Variants in KIF13A observed in about 807,000 individuals in gnomAD.
KIF13A encodes the protein kinesin family member 13A, also known as kinesin-like protein KIF13A.
In KIF13A, 79 loss-of-function variants were observed where a neutral mutation model predicts 212.2. The ratio of observed to expected loss-of-function variants is 0.37; its 90% confidence interval spans 0.31 to 0.45. The LOEUF is 0.45. KIF13A is among the 20% of genes least tolerant of loss of function. KIF13A has a pLI of 1.00. For synonymous variants in KIF13A, 789 were observed against 808.6 expected, an observed-to-expected ratio of 0.98 and a Z score of 0.41; for missense variants, 1,901 against 2,209.0, an observed-to-expected ratio of 0.86 and a Z score of 2.79.
At chr6:17,858,795 C>T (rs1212499709) in intron 4 of KIF13A, among the ~76,000 whole-genome samples, 1 of 151,888 alleles carries the variant, frequency 6.6e-6, no homozygotes, top group East Asian at 1.9e-4. Flanking sequence ...TTAACCAGCC[C>T]CCAGGAAGGG....
At chr6:17,985,914 A>G (rs1486503764) in intron 2 of KIF13A, among the ~76,000 whole-genome samples, 3 of 152,202 alleles carry the variant, frequency 2.0e-5, no homozygotes, top group African/African-American at 7.2e-5. Flanking sequence ...TGCAAACTGG[A>G]TAAAAACTGC....
intron 2 of KIF13A, among the ~76,000 whole-genome samples, chr6:17,916,816 T>G (rs375767936): frequency 5.3e-4 from 80 of 152,316 alleles, no homozygotes; most frequent in African/African-American, 1.8e-3. Flanking sequence ...CATTAAACTT[T>G]GCAGATTCTC....
chr6:17,869,258 C>T (rs944220520), intron 4 of KIF13A, among the ~76,000 whole-genome samples: 1 of 152,038 alleles, frequency 6.6e-6, no homozygotes, highest in Non-Finnish European at 1.5e-5. Flanking sequence ...TGCCCAAGGT[C>T]TAGCAGTTTG....
intron 19 of KIF13A, 40 bp downstream of exon 19, chr6:17,805,435 T>G: frequency 6.3e-7 from 1 of 1,585,068 alleles, no homozygotes; most frequent in African/African-American, 1.3e-5. Flanking sequence ...TTCTCTGTTT[T>G]TAACATAACA....
rs889832805 is a variant in KIF13A, at chr6:17,919,724, G to A, written c.147-21544C>T. Among the ~76,000 whole-genome samples, 2 of 152,130 alleles carry A rather than the reference G, an allele frequency of 1.3e-5. No individual in the cohort carries two copies. Among genetic ancestry groups the A allele is most frequent in the African/African-American group, 4.8e-5 (2 of 41,416 alleles). ...CTGTGAGACAGGGTGGCAGCCGAAC[G>A]GTGTCTCCTGGCAGCCCAATACTGT... On this transcript the variant is annotated intron_variant, in intron 2 of 38. Transcript: ENST00000259711. The surrounding 1 kb of genome is among the most constrained non-coding windows in gnomAD (Gnocchi z 4.1).
intron 2 of KIF13A, among the ~76,000 whole-genome samples, chr6:17,903,617 G>A (rs999299524): frequency 3.3e-5 from 5 of 152,142 alleles, no homozygotes; most frequent in Admixed American, 6.5e-5. Context: ...AGAACAGAGC[G>A]ATCAAAGCTG....
chr6:17,813,648 T>C (rs1380597855), intron 17 of KIF13A, among the ~76,000 whole-genome samples: 1 of 152,084 alleles, frequency 6.6e-6, no homozygotes, highest in Non-Finnish European at 1.5e-5. Context: ...CAGGGCAGGG[T>C]TCCCTTTTCT....
chr6:17,896,742 T>C (rs1463803895), intron 3 of KIF13A, among the ~76,000 whole-genome samples: 1 of 152,164 alleles, frequency 6.6e-6, no homozygotes, highest in Non-Finnish European at 1.5e-5. Context: ...TACAAAGCAA[T>C]AGTGGTTTTT....
At chr6:17,835,994 C>A (rs1765921998) in intron 11 of KIF13A, among the ~76,000 whole-genome samples, 2 of 152,172 alleles carry the variant, frequency 1.3e-5, no homozygotes, top group Admixed American at 6.5e-5. Context: ...GCATGTGGAA[C>A]CCTGTGACTT....
chr6:17,888,001 C>T lies in KIF13A; in HGVS notation c.159+10167G>A, dbSNP rs1771706895. Among the ~76,000 whole-genome samples, 1 of 151,896 alleles carries T rather than the reference C, an allele frequency of 6.6e-6. No homozygotes were observed. The highest frequency in any genetic ancestry group is 6.6e-5 in the Admixed American group (1 of 15,242). ...GATTACAGGTGTGAGCCACTGGGCC[C>T]AGCCCCTGCATCTTGATTCTTATCC... On this transcript the variant is annotated intron_variant, in intron 3 of 38. Coordinates refer to ENST00000259711, the MANE Select transcript of KIF13A (RefSeq NM_022113.6). The surrounding 1 kb of genome is among the most constrained non-coding windows in gnomAD (Gnocchi z 4.8).
At position 17,959,274 on chromosome 6, in the gene KIF13A, C is replaced by T. The variant is rs189443659; in HGVS notation, c.146+27780G>A. 2.1e-4 allele frequency among the ~76,000 whole-genome samples: 32 copies of T among 152,146 alleles called. 1 individual carries two copies. The highest frequency in any genetic ancestry group is 3.5e-4 in the Non-Finnish European group (24 of 68,024). Reference sequence around the variant, plus strand: ...GCTTCATAAGAGCTTCTAGAGACAGCCTCATCTATGTTATAGAGACTGCAT... The same window carrying T: ...GCTTCATAAGAGCTTCTAGAGACAGTCTCATCTATGTTATAGAGACTGCAT... On this transcript the variant is annotated intron_variant, in intron 2 of 38. Transcript: ENST00000259711.
chr6:17,984,671 T>A lies in KIF13A; in HGVS notation c.146+2383A>T, dbSNP rs766330973. On this transcript the variant is annotated intron_variant, in intron 2 of 38. Coordinates refer to ENST00000259711, the MANE Select transcript of KIF13A (RefSeq NM_022113.6). The surrounding 1 kb of genome is among the most constrained non-coding windows in gnomAD (Gnocchi z 5.0). ...AAACTTTCACCCACTAACCTTCAAT[T>A]TCTATCCATGGCTAATTCATTGGTA... is the stretch of plus-strand genomic sequence containing the variant. 5 of 316,546 alleles carry A rather than the reference T, an allele frequency of 1.6e-5. No individual in the cohort carries two copies. The highest frequency in any genetic ancestry group is 2.3e-5 in the Non-Finnish European group (5 of 218,588). 19.6% of individuals were successfully genotyped at this position (316,546 alleles called of 1,614,324 possible).
intron 2 of KIF13A, among the ~76,000 whole-genome samples, chr6:17,978,568 C>A (rs2150633721): frequency 6.6e-6 from 1 of 152,284 alleles, no homozygotes; most frequent in Non-Finnish European, 1.5e-5. Flanking sequence ...TTGTTTATTT[C>A]TCTGCTATTC....
At chr6:17,791,029 C>T (rs79879226) in intron 25 of KIF13A, among the ~76,000 whole-genome samples, 3,863 of 151,662 alleles carry the variant, frequency 0.025, 73 homozygotes, top group Non-Finnish European at 0.04. Context: ...ACCTAGAATC[C>T]CTTAATTTAG....
In KIF13A at chr6:17,837,541, G is replaced by C; in HGVS notation, c.873C>G (p.Asp291Glu). The C allele has an allele frequency of 1.9e-6, 3 of 1,609,444 alleles. No homozygotes were observed. The highest frequency in any genetic ancestry group is 2.5e-6 in the Non-Finnish European group (3 of 1,177,800). The change falls in exon 10 of 39, where the codon GAC (aspartate) becomes GAG (glutamate). Residue 291 changes from aspartate to glutamate, a missense_variant. By Grantham distance (45) the Asp-to-Glu change is conservative. Coordinates refer to ENST00000259711, the MANE Select transcript of KIF13A (RefSeq NM_022113.6). This position sits in a 1 kb window ranked among gnomAD's most constrained non-coding sequence, Gnocchi z 5.4. ...TGCTTTTACCCTTGCCAGCTGCCTGGTCAGCCAGTGATGATATAACCAACC... is the reference window on the plus strand; with the variant it reads ...TGCTTTTACCCTTGCCAGCTGCCTGCTCAGCCAGTGATGATATAACCAACC... ...TLGLVISSLA[D>E]QAAGKGKSKF... is the part of the protein sequence containing the mutation.
rs954154087 is a variant in KIF13A, at chr6:17,787,263, G to C, written c.3361+513C>G. Among the ~76,000 whole-genome samples the C allele has an allele frequency of 5.9e-5, 9 of 152,182 alleles. No individual in the cohort carries two copies. The highest frequency in any genetic ancestry group is 2.2e-4 in the African/African-American group (9 of 41,452). ...TGTCACAGTTTTATGAGATAATTCT[G>C]AGTTTTATGAAAACTTACTACTTTC... On this transcript the variant is annotated intron_variant, in intron 27 of 38. Transcript: ENST00000259711. The surrounding 1 kb of genome is among the most constrained non-coding windows in gnomAD (Gnocchi z 4.6).
chr6:17,781,650 C>T (rs1424162728), intron 29 of KIF13A, among the ~76,000 whole-genome samples: 3 of 108,508 alleles, frequency 2.8e-5, no homozygotes, highest in East Asian at 5.9e-4. Context: ...TTTTTTGAGA[C>T]AAGGTCTTGC....
In KIF13A at chr6:17,826,266, A is replaced by C. The variant is rs980449772; in HGVS notation, c.1533-142T>G. 2.9e-5 allele frequency: 19 copies of C among 646,428 alleles called. No individual in the cohort carries two copies. Among genetic ancestry groups the C allele is most frequent in the Admixed American group, 8.5e-5 (3 of 35,302 alleles). The allele number at this position is 646,428 out of a possible 1,614,324, so 40.0% of individuals were successfully genotyped here. A position where few individuals can be genotyped will look rare whatever the true frequency, so the allele number is the denominator to read the frequency against. ...TTAAAGAAGGAAGAGCAGAATGTGT[A>C]ACCACTATGAAAACACACAATCTAA... is the stretch of plus-strand genomic sequence containing the variant. On this transcript the variant is annotated intron_variant, in intron 14 of 38. Transcript: ENST00000259711. The surrounding 1 kb of genome is among the most constrained non-coding windows in gnomAD (Gnocchi z 4.7).
At chr6:17,875,737 G>T (rs1167880962) in intron 3 of KIF13A, among the ~76,000 whole-genome samples, 1 of 152,082 alleles carries the variant, frequency 6.6e-6, no homozygotes, top group African/African-American at 2.4e-5. Flanking sequence ...TTACAGGCGT[G>T]AGCCACCATG....
Sources: allele counts gnomAD v4.1 joint callset (sites outside exome capture counted in the v4.1 genomes callset), GRCh38; gene constraint gnomAD v4.1.1; non-coding constraint Gnocchi (gnomAD v3.1); transcripts MANE v1.5; gene names NCBI Gene and HGNC (gene_info 2026-07-23, HGNC 2026-07-21).